The following EYS variants were observed in gnomAD, a reference collection of about 807,000 sequenced individuals.
EYS encodes the protein protein eyes shut homolog.
In EYS, 250 loss-of-function variants were observed where a neutral mutation model predicts 282.1. The ratio of observed to expected loss-of-function variants is 0.89; its 90% confidence interval spans 0.80 to 0.98. The LOEUF (loss-of-function observed/expected upper bound fraction) is 0.98. Among genes scored for constraint, EYS ranks in the 50% least tolerant of loss-of-function variants. EYS has a pLI of 0.00. For synonymous variants in EYS, 1,355 were observed against 1,282.9 expected (o/e 1.06, Z -1.20); for missense variants, 4,016 against 3,709.0 (o/e 1.08, Z -2.15).
At chr6:64,172,931 A>G (rs536578080) in intron 31 of EYS, among the ~76,000 whole-genome samples, 2 of 152,260 alleles carry the variant, frequency 1.3e-5, no homozygotes, top group East Asian at 3.9e-4. Flanking sequence ...CTGCTGGCCA[A>G]GGAAAAATTG....
intron 8 of EYS, among the ~76,000 whole-genome samples, chr6:65,375,429 GA>G (rs1420642291): frequency 1.3e-5 from 2 of 152,182 alleles, no homozygotes; most frequent in African/African-American, 2.4e-5. Flanking sequence ...TGGAGATGAG[GA>G]AAAACCAGCA....
chr6:64,667,619 A>C (rs1277756043), intron 22 of EYS, among the ~76,000 whole-genome samples: 1 of 151,912 alleles, frequency 6.6e-6, no homozygotes, highest in African/African-American at 2.4e-5. Context: ...ATTTCTCTAA[A>C]GAGTAGTAGT....
In EYS at chr6:65,058,875, C is replaced by T. The variant is rs571046995; in HGVS notation, c.2024-1148G>A. Among the ~76,000 whole-genome samples, 131 of 138,724 alleles carry T rather than the reference C, an allele frequency of 9.4e-4. 10 individuals are homozygous for T. The highest frequency in any genetic ancestry group is 1.8e-3 in the Non-Finnish European group (109 of 60,008). The allele number at this position is 138,724 out of a possible 152,430, so 91.0% of individuals were successfully genotyped here. A position where few individuals can be genotyped will look rare whatever the true frequency, so the allele number is the denominator to read the frequency against. ...CAATAATAGAAAATTGACATTGACA[C>T]AATGCAAATTATTAGCAAATTATTT... On this transcript the variant is annotated intron_variant, in intron 12 of 42. Coordinates refer to ENST00000503581, the MANE Select transcript of EYS (RefSeq NM_001142800.2).
intron 12 of EYS, among the ~76,000 whole-genome samples, chr6:65,199,336 C>T (rs1196334624): frequency 6.6e-6 from 1 of 152,042 alleles, no homozygotes; most frequent in African/African-American, 2.4e-5. Flanking sequence ...GTCAAATTGG[C>T]CATTCTCCAA....
At chr6:64,787,788 TG>T (rs1200520252) in intron 22 of EYS, among the ~76,000 whole-genome samples, 1 of 151,076 alleles carries the variant, frequency 6.6e-6, no homozygotes, top group African/African-American at 2.4e-5. Context: ...ATTTTACTTC[TG>T]TGTGGCTTTT....
At chr6:64,811,811 G>A (rs182670512) in intron 22 of EYS, among the ~76,000 whole-genome samples, 1 of 152,200 alleles carries the variant, frequency 6.6e-6, no homozygotes, top group Non-Finnish European at 1.5e-5. Flanking sequence ...GCCACTTGAA[G>A]CATAAGCCAA....
chr6:63,993,642 C>T (rs1334898421), intron 34 of EYS, among the ~76,000 whole-genome samples: 1 of 151,674 alleles, frequency 6.6e-6, no homozygotes, highest in Non-Finnish European at 1.5e-5. Flanking sequence ...AACTACAAAA[C>T]ATTCTTGAAA....
At chr6:64,125,054 T>C (rs111504852) in intron 31 of EYS, among the ~76,000 whole-genome samples, 1,576 of 152,208 alleles carry the variant, frequency 0.01, 28 homozygotes, top group African/African-American at 0.036. Context: ...AATTTAAATA[T>C]AGTTTGGAAT....
intron 4 of EYS, 51 bp from the exon 5 acceptor site, chr6:65,490,758 CA>C: frequency 1.1e-6 from 1 of 926,594 alleles, no homozygotes; most frequent in African/African-American, 1.6e-5. Context: ...ATATTATAAC[CA>C]TCAGTTTTCC....
At chr6:65,129,131 G>C (rs1775798389) in intron 12 of EYS, among the ~76,000 whole-genome samples, 3 of 151,964 alleles carry the variant, frequency 2.0e-5, no homozygotes, top group Non-Finnish European at 4.4e-5. Context: ...AGTGAAGTTG[G>C]ACCCCCTATC....
intron 36 of EYS, among the ~76,000 whole-genome samples, chr6:63,832,974 T>C (rs564637921): frequency 6.6e-6 from 1 of 152,120 alleles, no homozygotes; most frequent in South Asian, 2.1e-4. Context: ...ACCACATGAC[T>C]ATGTCAATAG....
chr6:64,422,970 CTTTTT>C (rs1554159345), intron 28 of EYS, among the ~76,000 whole-genome samples: 1 of 79,772 alleles, frequency 1.3e-5, no homozygotes, highest in Non-Finnish European at 2.9e-5. Context: ...AAAATACTTT[CTTTTT>C]TATTTTTTGG....
intron 31 of EYS, among the ~76,000 whole-genome samples, chr6:64,107,374 C>G (rs958733309): frequency 8.2e-5 from 12 of 147,186 alleles, no homozygotes; most frequent in African/African-American, 3.0e-4. Flanking sequence ...AGCCTATGTG[C>G]AAGCTGAGGA....
intron 9 of EYS, among the ~76,000 whole-genome samples, chr6:65,347,446 G>T (rs1416490717): frequency 6.6e-6 from 1 of 151,466 alleles, no homozygotes; most frequent in Non-Finnish European, 1.5e-5. Flanking sequence ...TTTGCATTTT[G>T]ATTTTTATGT....
chr6:64,103,957 AG>A (rs1158134339), intron 31 of EYS, among the ~76,000 whole-genome samples: 1 of 152,124 alleles, frequency 6.6e-6, no homozygotes. Flanking sequence ...GAAACAGCAA[AG>A]TTTTAAAGTC....
chr6:64,183,608 C>T (rs1244645298), intron 31 of EYS, among the ~76,000 whole-genome samples: 1 of 152,084 alleles, frequency 6.6e-6, no homozygotes, highest in African/African-American at 2.4e-5. Context: ...TGAAACATGA[C>T]TTATAAACTC....
chr6:64,869,967 A>G (rs1766540557), intron 19 of EYS, among the ~76,000 whole-genome samples: 1 of 151,646 alleles, frequency 6.6e-6, no homozygotes, highest in African/African-American at 2.4e-5. Flanking sequence ...GATGGCTATT[A>G]TTTCAACTGA....
intron 37 of EYS, among the ~76,000 whole-genome samples, chr6:63,790,311 G>A (rs1373664517): frequency 1.3e-5 from 2 of 152,188 alleles, no homozygotes; most frequent in African/African-American, 4.8e-5. Flanking sequence ...TAGGTTTCCA[G>A]ATAGGGTGGA....
intron 14 of EYS, among the ~76,000 whole-genome samples, chr6:64,961,623 T>A (rs902029010): frequency 3.9e-5 from 6 of 152,242 alleles, no homozygotes; most frequent in African/African-American, 1.2e-4. Flanking sequence ...AAAAAATGCA[T>A]GCTTCATCAG....
Sources: allele counts gnomAD v4.1 joint callset (sites outside exome capture counted in the v4.1 genomes callset), GRCh38; gene constraint gnomAD v4.1.1; transcripts MANE v1.5; gene names NCBI Gene and HGNC (gene_info 2026-07-23, HGNC 2026-07-21).